The following CCDC149 variants were observed in gnomAD, a reference collection of about 807,000 sequenced individuals.
CCDC149 encodes coiled-coil domain-containing protein 149.
Under a neutral mutation model 59.9 loss-of-function variants are expected in CCDC149, and 45 were observed. The ratio of observed to expected loss-of-function variants is 0.75; its 90% confidence interval spans 0.59 to 0.96. The LOEUF is 0.96. Among genes scored for constraint, CCDC149 ranks in the 40% least tolerant of loss-of-function variants. The pLI is 0.00. For synonymous variants in CCDC149, 245 were observed against 260.6 expected (o/e 0.94, Z 0.58); for missense variants, 584 against 664.7 (o/e 0.88, Z 1.33).
At chr4:24,804,184 C>G (rs1371430968), downstream of CCDC149, among the ~76,000 whole-genome samples, 2 of 152,244 alleles carry the variant, frequency 1.3e-5, no homozygotes, top group Middle Eastern at 3.4e-3. Context: ...AGAAGGTACT[C>G]TCTTTTTCAA....
chr4:24,965,013 A>C (rs1413538439), intron 1 of CCDC149, among the ~76,000 whole-genome samples: 1 of 151,310 alleles, frequency 6.6e-6, no homozygotes, highest in East Asian at 1.9e-4. Flanking sequence ...TTTCAGATAA[A>C]AGAATTTCTT....
intron 9 of CCDC149, chr4:24,827,983 T>C (rs1047897766): frequency 3.9e-5 from 6 of 152,234 alleles, no homozygotes; most frequent in Non-Finnish European, 8.8e-5. Context: ...TATTTTATTA[T>C]TTCAGTTACA....
chr4:24,840,656 C>A (rs1234393739), intron 4 of CCDC149, among the ~76,000 whole-genome samples: 2 of 152,004 alleles, frequency 1.3e-5, no homozygotes, highest in Non-Finnish European at 2.9e-5. Flanking sequence ...TTTCATGTGG[C>A]CCCCACGCAT....
At chr4:24,817,039 C>T (rs1011646945) in intron 12 of CCDC149, among the ~76,000 whole-genome samples, 9 of 152,258 alleles carry the variant, frequency 5.9e-5, no homozygotes, top group Admixed American at 3.3e-4. Flanking sequence ...TCCCACCCAG[C>T]GCTGTCAGAG....
At chr4:24,936,192 C>A (rs916880803) in intron 1 of CCDC149, among the ~76,000 whole-genome samples, 2 of 152,194 alleles carry the variant, frequency 1.3e-5, no homozygotes, top group East Asian at 3.9e-4. Flanking sequence ...CTTTCCAAGA[C>A]TTTCGCTTAA....
At chr4:24,936,559 A>G (rs1722783470) in intron 1 of CCDC149, among the ~76,000 whole-genome samples, 1 of 152,190 alleles carries the variant, frequency 6.6e-6, no homozygotes, top group South Asian at 2.1e-4. Flanking sequence ...TCTTTGTGGT[A>G]ACAACATTCA....
chr4:24,823,587 C>G (rs1374731270), intron 9 of CCDC149, among the ~76,000 whole-genome samples: 2 of 152,166 alleles, frequency 1.3e-5, no homozygotes, highest in Non-Finnish European at 2.9e-5. Flanking sequence ...TAAATCAGAA[C>G]ACTAGAATTA....
At chr4:24,931,829 G>GTATATATATGTGTATA (rs60585956) in intron 1 of CCDC149, among the ~76,000 whole-genome samples, 1 of 76,908 alleles carries the variant, frequency 1.3e-5, no homozygotes, top group Non-Finnish European at 2.4e-5. Context: ...TGGAGAGTAT[G>GTATATATATGTGTATA]TATATATATA....
intron 1 of CCDC149, among the ~76,000 whole-genome samples, chr4:24,921,022 G>A (rs1013235812): frequency 9.9e-5 from 15 of 152,056 alleles, no homozygotes; most frequent in Admixed American, 4.6e-4. Context: ...GAAAAGCAGG[G>A]GAGTAGAAAA....
chr4:24,953,386 T>A (rs1444284430), intron 1 of CCDC149, among the ~76,000 whole-genome samples: 5 of 152,172 alleles, frequency 3.3e-5, no homozygotes, highest in Non-Finnish European at 7.3e-5. Flanking sequence ...CCTGCTTCAT[T>A]TTTGTCTTTT....
intron 4 of CCDC149, among the ~76,000 whole-genome samples, chr4:24,844,705 G>A (rs1198488220): frequency 3.3e-5 from 5 of 152,064 alleles, no homozygotes; most frequent in Admixed American, 6.5e-5. Flanking sequence ...CCCGGGAGGC[G>A]GAGGTTGCAG....
chr4:24,968,874 A>G (rs774255535), intron 1 of CCDC149, among the ~76,000 whole-genome samples: 2 of 152,232 alleles, frequency 1.3e-5, no homozygotes, highest in Non-Finnish European at 2.9e-5. Context: ...TTTGGGGGCA[A>G]TCCATGTGGT....
chr4:24,901,270 G>C (rs1721151532), intron 1 of CCDC149, among the ~76,000 whole-genome samples: 1 of 152,018 alleles, frequency 6.6e-6, no homozygotes, highest in Non-Finnish European at 1.5e-5. Context: ...CCAGAGAGAG[G>C]TGCAGACTCT....
chr4:24,931,829 G>GTATATATATGTATATATATA (rs60585956), intron 1 of CCDC149, among the ~76,000 whole-genome samples: 8,717 of 76,576 alleles, frequency 0.11, 860 homozygotes, highest in Middle Eastern at 0.2. Context: ...TGGAGAGTAT[G>GTATATATATGTATATATATA]TATATATATA....
chr4:24,952,719 C>A (rs1723352208), intron 1 of CCDC149, among the ~76,000 whole-genome samples: 1 of 137,762 alleles, frequency 7.3e-6, no homozygotes, highest in African/African-American at 2.7e-5. Flanking sequence ...TTTAAGTGTG[C>A]AATTCATTGA....
chr4:24,931,829 GTATA>G (rs57205804), intron 1 of CCDC149, among the ~76,000 whole-genome samples: 61 of 76,934 alleles, frequency 7.9e-4, no homozygotes, highest in African/African-American at 2.2e-3. Flanking sequence ...TGGAGAGTAT[GTATA>G]TATATATATA....
downstream of CCDC149, chr4:24,806,075 C>G: frequency 6.6e-6 from 1 of 152,116 alleles, no homozygotes; most frequent in Non-Finnish European, 1.5e-5. Flanking sequence ...AATGCCACAA[C>G]CTTAAACTTT....
chr4:24,960,926 T>C (rs1723618213), intron 1 of CCDC149, among the ~76,000 whole-genome samples: 1 of 152,164 alleles, frequency 6.6e-6, no homozygotes, highest in South Asian at 2.1e-4. Flanking sequence ...TAGACTAGAA[T>C]TACCAATTAT....
At chr4:24,811,822 G>A (rs1201906788) in intron 12 of CCDC149, among the ~76,000 whole-genome samples, 4 of 150,796 alleles carry the variant, frequency 2.7e-5, no homozygotes, top group African/African-American at 9.8e-5. Context: ...GCAGTGAGCT[G>A]AGATTGTGTC....
Sources: gnomAD v4.1 joint callset for allele counts (sites outside exome capture counted in the v4.1 genomes callset) on GRCh38, gnomAD v4.1.1 for gene constraint, MANE v1.5 for transcripts, NCBI Gene and HGNC (gene_info 2026-07-23, HGNC 2026-07-21) for gene names.